Variants in EXD1 observed in about 807,000 individuals in gnomAD.
EXD1 encodes exonuclease 3'-5' domain containing 1, also known as piRNA biogenesis protein EXD1.
EXD1 carries 63 observed loss-of-function variants against 49.1 expected under a neutral mutation model. That is an observed-to-expected ratio of 1.28 (90% confidence interval 1.05 to 1.58). The LOEUF is 1.58. Ranked by LOEUF, EXD1 falls within the 40% of genes most tolerant of loss-of-function variation. The pLI, the probability that EXD1 is intolerant of heterozygous loss-of-function variation, is 0.00. For synonymous variants in EXD1, 234 were observed against 239.2 expected (o/e 0.98, Z 0.20); for missense variants, 748 against 666.0 (o/e 1.12, Z -1.36).
chr15:41,199,256 AT>A (rs1203236404), intron 7 of EXD1, among the ~76,000 whole-genome samples: 10 of 151,116 alleles, frequency 6.6e-5, no homozygotes, highest in Non-Finnish European at 1.2e-4. Context: ...CTGGCCAAAA[AT>A]TTTTTTTTAA....
chr15:41,227,375 TAA>T (rs1193771692), intron 1 of EXD1, among the ~76,000 whole-genome samples: 10 of 152,154 alleles, frequency 6.6e-5, no homozygotes, highest in Non-Finnish European at 5.9e-5. Context: ...TATTTTAAAA[TAA>T]AAGCCAAATT....
chr15:41,219,749 G>T, intron 3 of EXD1, 81 bp downstream of exon 3: 2 of 1,183,366 alleles, frequency 1.7e-6, no homozygotes, highest in Non-Finnish European at 2.4e-6. Flanking sequence ...GAATCCATAA[G>T]CACAACATTA....
At chr15:41,189,808 C>A in intron 11 of EXD1, 129 bp downstream of exon 11, 1 of 833,636 alleles carries the variant, frequency 1.2e-6, no homozygotes, top group Non-Finnish European at 1.9e-6. Flanking sequence ...AAGCTGTTGC[C>A]CCTTCAAGAG....
intron 6 of EXD1, among the ~76,000 whole-genome samples, chr15:41,210,353 G>T (rs147300661): frequency 6.6e-6 from 1 of 152,220 alleles, no homozygotes; most frequent in East Asian, 1.9e-4. Flanking sequence ...CAGAAACAAG[G>T]ACTCTTCAGG....
At chr15:41,229,681 T>C (rs1445054943) in intron 1 of EXD1, among the ~76,000 whole-genome samples, 3 of 152,072 alleles carry the variant, frequency 2.0e-5, no homozygotes, top group Non-Finnish European at 4.4e-5. Flanking sequence ...GGCAGGAGAA[T>C]CGCTTGAACC....
At chr15:41,226,311 A>G in intron 2 of EXD1, 132 bp downstream of exon 2, 2 of 894,610 alleles carry the variant, frequency 2.2e-6, no homozygotes, top group Admixed American at 2.7e-5. Context: ...TTGGGAAAAC[A>G]ATATTCTAAC....
intron 3 of EXD1, among the ~76,000 whole-genome samples, chr15:41,218,486 CAAAA>C (rs35305069): frequency 2.5e-5 from 2 of 79,038 alleles, no homozygotes; most frequent in Non-Finnish European, 2.7e-5. Context: ...GAATCCGTCT[CAAAA>C]AAAAAAAAAA....
chr15:41,212,704 G>A (rs550367126), intron 6 of EXD1, among the ~76,000 whole-genome samples: 2 of 152,188 alleles, frequency 1.3e-5, no homozygotes, highest in East Asian at 1.9e-4. Context: ...TCCATCAAAT[G>A]GTGAATGGAT....
Position 41,230,751 on chromosome 15 carries a change from C to G in EXD1, c.-326G>C, listed in dbSNP as rs1177075748. 1 of 581,476 alleles carries G rather than the reference C, an allele frequency of 1.7e-6. No individual in the cohort carries two copies. The highest frequency in any genetic ancestry group is 3.0e-6 in the Non-Finnish European group (1 of 332,588). The allele number at this position is 581,476 out of a possible 1,614,324, so 36.0% of individuals were successfully genotyped here. ...ACGCCCGCCCGGCCCAACGTCCAGT[C>G]TCGTCTGTTTCCCGAGGAGCCAATC... On this transcript the variant is annotated 5_prime_UTR_variant, in exon 1 of 12. Transcript: ENST00000458580.
chr15:41,189,391 T>C (rs1176542708), intron 11 of EXD1, among the ~76,000 whole-genome samples: 1 of 140,960 alleles, frequency 7.1e-6, no homozygotes, highest in Non-Finnish European at 1.5e-5. Flanking sequence ...AGGCTGGGCG[T>C]GGTGGTTCAT....
At chr15:41,201,354 A>C (rs910567227) in intron 7 of EXD1, among the ~76,000 whole-genome samples, 1 of 152,152 alleles carries the variant, frequency 6.6e-6, no homozygotes, top group African/African-American at 2.4e-5. Flanking sequence ...TGTTACACAA[A>C]ATTATTCATA....
intron 3 of EXD1, among the ~76,000 whole-genome samples, chr15:41,218,486 C>CAAAAAA (rs35305069): frequency 3.3e-4 from 26 of 78,914 alleles, no homozygotes; most frequent in East Asian, 7.2e-4. Flanking sequence ...GAATCCGTCT[C>CAAAAAA]AAAAAAAAAA....
At chr15:41,193,080 G>A (rs907887064) in intron 9 of EXD1, among the ~76,000 whole-genome samples, 2 of 151,902 alleles carry the variant, frequency 1.3e-5, no homozygotes, top group African/African-American at 2.4e-5. Context: ...CACCGCGCCC[G>A]GCCTCTTAAA....
At chr15:41,210,702 G>A (rs908143029) in intron 6 of EXD1, among the ~76,000 whole-genome samples, 1 of 151,226 alleles carries the variant, frequency 6.6e-6, no homozygotes, top group Non-Finnish European at 1.5e-5. Context: ...TGGTACCCCA[G>A]GTACACACTC....
intron 1 of EXD1, among the ~76,000 whole-genome samples, chr15:41,227,751 T>A (rs1468067558): frequency 6.6e-6 from 1 of 151,844 alleles, no homozygotes; most frequent in Non-Finnish European, 1.5e-5. Context: ...GAAATATTAT[T>A]CATAGTGGGT....
intron 11 of EXD1, 136 bp downstream of exon 11, chr15:41,189,801 C>T: frequency 1.3e-6 from 1 of 754,078 alleles, no homozygotes. Context: ...CATGCCCAAG[C>T]TGTTGCCCCT....
At position 41,230,561 on chromosome 15, in the gene EXD1, C is replaced by G. The variant is rs1399037861; in HGVS notation, c.-136G>C. On this transcript the variant is annotated 5_prime_UTR_variant, in exon 1 of 12. Coordinates refer to ENST00000458580, the MANE Select transcript of EXD1 (RefSeq NM_001286441.2). ...TGGGAAATCTGGATCCTAATTTCAG[C>G]CAAGTGGTGCGTTCCTCGAACTTCA... 6.2e-7 allele frequency: 1 copy of G among 1,613,852 alleles called. No individual in the cohort carries two copies. Among genetic ancestry groups the G allele is most frequent in the Non-Finnish European group, 8.5e-7 (1 of 1,179,840 alleles).
At chr15:41,190,367 A>C in intron 10 of EXD1, 1 of 423,516 alleles carries the variant, frequency 2.4e-6, no homozygotes, top group East Asian at 4.9e-5. Context: ...CAGCTACTCA[A>C]GAAGCTGAGG....
At chr15:41,187,029 C>T (rs932000392) in intron 11 of EXD1, among the ~76,000 whole-genome samples, 1 of 152,002 alleles carries the variant, frequency 6.6e-6, no homozygotes, top group African/African-American at 2.4e-5. Flanking sequence ...GCATTACAGG[C>T]ATGCGCCACC....
Sources: gnomAD v4.1 joint callset for allele counts (sites outside exome capture counted in the v4.1 genomes callset) on GRCh38, gnomAD v4.1.1 for gene constraint, MANE v1.5 for transcripts, NCBI Gene and HGNC (gene_info 2026-07-23, HGNC 2026-07-21) for gene names.